FOXJ2: variants seen among roughly 807,000 people sequenced by gnomAD.
FOXJ2 encodes the protein forkhead box protein J2.
FOXJ2 carries 18 observed loss-of-function variants against 68.4 expected under a neutral mutation model. That is an observed-to-expected ratio of 0.26 (90% CI 0.18 to 0.39). The LOEUF is 0.39. Ranked by LOEUF, FOXJ2 falls within the 10% of genes least tolerant of loss-of-function variation. The probability of loss-of-function intolerance (pLI) is 1.00; values close to 1 mark genes in which losing one functional copy is unlikely to be tolerated. For synonymous variants in FOXJ2, 274 were observed against 263.2 expected (o/e 1.04, Z -0.40); for missense variants, 670 against 726.5 (o/e 0.92, Z 0.89).
intron 6 of FOXJ2, 132 bp downstream of exon 6, chr12:8,045,090 C>A: frequency 3.3e-6 from 3 of 912,946 alleles, no homozygotes; most frequent in Non-Finnish European, 4.9e-6. Flanking sequence ...TTCGTCCAAG[C>A]TGGAGTGCAG....
In FOXJ2 at chr12:8,033,767, A is replaced by T. The variant is rs1194027650; in HGVS notation, c.-81A>T. 1 of 152,726 alleles carries T rather than the reference A, an allele frequency of 6.5e-6. No homozygotes were observed. Among genetic ancestry groups the T allele is most frequent in the East Asian group, 1.9e-4 (1 of 5,190 alleles). The allele number at this position is 152,726 out of a possible 1,614,324, so 9.5% of individuals were successfully genotyped here. A position where few individuals can be genotyped will look rare whatever the true frequency, so the allele number is the denominator to read the frequency against. ...CCGTCACCTGCCTCTGAAGAGGGGA[A>T]TCCCTCCAACCCCAAACTCCAGTAC... is the stretch of plus-strand genomic sequence containing the variant. On this transcript the variant is annotated 5_prime_UTR_variant, in exon 1 of 11. Transcript: ENST00000162391.
At chr12:8,047,583 G>GA (rs1947055475) in intron 6 of FOXJ2, among the ~76,000 whole-genome samples, 1 of 151,838 alleles carries the variant, frequency 6.6e-6, no homozygotes, top group South Asian at 2.1e-4. Flanking sequence ...CACCTGCTGG[G>GA]AAACTGTGAT....
intron 2 of FOXJ2, among the ~76,000 whole-genome samples, chr12:8,041,245 A>G (rs893854997): frequency 6.6e-5 from 10 of 151,476 alleles, no homozygotes; most frequent in Non-Finnish European, 8.8e-5. Context: ...CACTGTCCCC[A>G]GACTGGAGTT....
chr12:8,040,174 G>C lies in FOXJ2; in HGVS notation c.333+9G>C. On this transcript the variant is annotated intron_variant, in intron 2 of 10. Transcript: ENST00000162391. This position sits in a 1 kb window ranked among gnomAD's most constrained non-coding sequence, Gnocchi z 4.0. Reference sequence around the variant, plus strand: ...CTGGCATTGGTTGGAAGGTGGGAATGCTTCTATAATCTTGGCTTAGGTTTA... The same window carrying C: ...CTGGCATTGGTTGGAAGGTGGGAATCCTTCTATAATCTTGGCTTAGGTTTA... The C allele has an allele frequency of 6.2e-7, 1 of 1,612,976 alleles. No homozygotes were observed. Among genetic ancestry groups the C allele is most frequent in the African/African-American group, 1.3e-5 (1 of 75,040 alleles).
chr12:8,052,727 A>G (rs2120356477), intron 10 of FOXJ2, 35 bp from the exon 11 acceptor site: 2 of 1,552,000 alleles, frequency 1.3e-6, no homozygotes, highest in East Asian at 4.6e-5. Flanking sequence ...CTTCCCATCC[A>G]CTCTCCTTTT....
intron 8 of FOXJ2, 100 bp from the exon 9 acceptor site, chr12:8,049,262 G>T: frequency 1.2e-6 from 1 of 841,062 alleles, no homozygotes; most frequent in South Asian, 1.7e-5. Flanking sequence ...GTTATCAGTG[G>T]GGGTGATTGA....
In FOXJ2 at chr12:8,054,224, AG is replaced by A. The variant is rs1947160109; in HGVS notation, c.*1376del. The A allele has an allele frequency of 6.6e-6, 1 of 152,222 alleles. No individual in the cohort carries two copies. The allele number at this position is 152,222 out of a possible 1,614,324, so 9.4% of individuals were successfully genotyped here. ...AGGGCCAAGGGGGACCCCCAGAAAA[AG>A]GTATGGAGCTAACTCATCTCTTTTA... On this transcript the variant is annotated 3_prime_UTR_variant, in exon 11 of 11. Transcript: ENST00000162391.
chr12:8,033,746 C>T lies in FOXJ2; in HGVS notation c.-102C>T, dbSNP rs1431043361. The T allele has an allele frequency of 2.0e-5, 3 of 152,770 alleles. No homozygotes were observed. The highest frequency in any genetic ancestry group is 2.9e-5 in the Non-Finnish European group (2 of 68,156). The allele number at this position is 152,770 out of a possible 1,614,324, so 9.5% of individuals were successfully genotyped here. A position where few individuals can be genotyped will look rare whatever the true frequency, so the allele number is the denominator to read the frequency against. On this transcript the variant is annotated 5_prime_UTR_variant, in exon 1 of 11. Coordinates refer to ENST00000162391, the MANE Select transcript of FOXJ2 (RefSeq NM_018416.3). ...AAGAGCCACTGAGGATGAGAGCCGTCACCTGCCTCTGAAGAGGGGAATCCC... is the reference window on the plus strand; with the variant it reads ...AAGAGCCACTGAGGATGAGAGCCGTTACCTGCCTCTGAAGAGGGGAATCCC...
At position 8,048,154 on chromosome 12, in the gene FOXJ2, G is replaced by A. The variant is rs757750422; in HGVS notation, c.1090G>A (p.Ala364Thr). ...AGGCTATGGGCCTCCCCCTGTAATG[G>A]CCATGCATCCACCCCCGCTGCAGCA... Reference protein sequence around the residue: ...AEGYGPPPVMAMHPPPLQHGG... With the variant: ...AEGYGPPPVMTMHPPPLQHGG... Residue 364 changes from alanine (A) to threonine (T), a missense_variant, in exon 7 of 11, where the codon GCC (alanine) becomes ACC (threonine). Transcript: ENST00000162391. 1 of 1,613,910 alleles carries A rather than the reference G, an allele frequency of 6.2e-7. No homozygotes were observed. The highest frequency in any genetic ancestry group is 8.5e-7 in the Non-Finnish European group (1 of 1,179,920).
intron 6 of FOXJ2, among the ~76,000 whole-genome samples, chr12:8,045,851 G>A (rs995897402): frequency 4.6e-5 from 7 of 151,194 alleles, no homozygotes; most frequent in African/African-American, 1.7e-4. Context: ...TAGAGACGGA[G>A]TTTCACCACG....
At chr12:8,047,227 C>T (rs552333349) in intron 6 of FOXJ2, among the ~76,000 whole-genome samples, 70 of 152,126 alleles carry the variant, frequency 4.6e-4, no homozygotes, top group Non-Finnish European at 8.5e-4. Context: ...CCAAAGTGGG[C>T]GGATCACCTG....
chr12:8,047,278 C>T (rs916302366), intron 6 of FOXJ2, among the ~76,000 whole-genome samples: 26 of 151,978 alleles, frequency 1.7e-4, no homozygotes, highest in African/African-American at 4.4e-4. Flanking sequence ...GGAGAAACCC[C>T]GTCTCTACTA....
In FOXJ2 at chr12:8,040,750, G is replaced by T. The variant is rs1395816230; in HGVS notation, c.333+585G>T. Reference sequence around the variant, plus strand: ...TCCTCTTGTCTTCTGATCCCTCAAAGAGGATATTCACTCATTTCACAAATG... The same window carrying T: ...TCCTCTTGTCTTCTGATCCCTCAAATAGGATATTCACTCATTTCACAAATG... On this transcript the variant is annotated intron_variant, in intron 2 of 10. Coordinates refer to ENST00000162391, the MANE Select transcript of FOXJ2 (RefSeq NM_018416.3). This position sits in a 1 kb window ranked among gnomAD's most constrained non-coding sequence, Gnocchi z 4.0. Among the ~76,000 whole-genome samples, 1 of 152,056 alleles carries T rather than the reference G, an allele frequency of 6.6e-6. No individual in the cohort carries two copies. Among genetic ancestry groups the T allele is most frequent in the African/African-American group, 2.4e-5 (1 of 41,402 alleles).
rs1259095858 is a variant in FOXJ2, at chr12:8,038,686, CA to C, written c.-14-1132del. On this transcript the variant is annotated intron_variant, in intron 1 of 10. Transcript: ENST00000162391. This position sits in a 1 kb window ranked among gnomAD's most constrained non-coding sequence, Gnocchi z 5.3. ...TAGACCCTGCAATACAGATATCACC[CA>C]TCGTTCTTCACCTTCCCTCGCAAGA... 1.3e-5 allele frequency among the ~76,000 whole-genome samples: 2 copies of C among 152,188 alleles called. No individual in the cohort carries two copies. The highest frequency in any genetic ancestry group is 4.8e-5 in the African/African-American group (2 of 41,434).
At chr12:8,041,621 C>A (rs896492684) in intron 2 of FOXJ2, among the ~76,000 whole-genome samples, 3 of 152,102 alleles carry the variant, frequency 2.0e-5, no homozygotes, top group South Asian at 4.2e-4. Flanking sequence ...AGCAATCCTT[C>A]CACCTAAGCC....
At chr12:8,045,015 G>A (rs1249808633) in intron 6 of FOXJ2, 57 bp downstream of exon 6, 91 of 1,489,752 alleles carry the variant, frequency 6.1e-5, no homozygotes, top group Non-Finnish European at 8.2e-5. Context: ...TGAACAAGTG[G>A]GGTGACATTT....
At position 8,032,862 on chromosome 12, in the gene FOXJ2, A is replaced by G; in HGVS notation, c.-986A>G. 2.5e-6 allele frequency: 1 copy of G among 398,180 alleles called. No individual in the cohort carries two copies. The highest frequency in any genetic ancestry group is 4.4e-6 in the Non-Finnish European group (1 of 225,844). 24.7% of individuals were successfully genotyped at this position (398,180 alleles called of 1,614,324 possible). On this transcript the variant is annotated 5_prime_UTR_variant, in exon 1 of 11. Coordinates refer to ENST00000162391, the MANE Select transcript of FOXJ2 (RefSeq NM_018416.3). The surrounding 1 kb of genome is among the most constrained non-coding windows in gnomAD (Gnocchi z 4.8). ...CGCCGAAGGGAGCGGACCCGACAGG[A>G]CGGCCCTAGAGGAGGTGCTGCCGCC...
chr12:8,052,733 C>T (rs1028813143), intron 10 of FOXJ2, 29 bp from the exon 11 acceptor site: 4 of 1,576,210 alleles, frequency 2.5e-6, no homozygotes, highest in African/African-American at 1.3e-5. Flanking sequence ...ATCCACTCTC[C>T]TTTTACTCTC....
intron 1 of FOXJ2, among the ~76,000 whole-genome samples, chr12:8,037,512 A>G (rs980373246): frequency 5.3e-5 from 8 of 152,204 alleles, no homozygotes; most frequent in African/African-American, 1.9e-4. Flanking sequence ...TGTGATTGGC[A>G]TGTGCCAAAT....
Sources: allele counts gnomAD v4.1 joint callset (sites outside exome capture counted in the v4.1 genomes callset), GRCh38; gene constraint gnomAD v4.1.1; non-coding constraint Gnocchi (gnomAD v3.1); transcripts MANE v1.5; gene names NCBI Gene and HGNC (gene_info 2026-07-23, HGNC 2026-07-21).